ESRRG: variants seen among roughly 807,000 people sequenced by gnomAD.
ESRRG encodes estrogen-related receptor gamma.
A neutral mutation model predicts 44.0 loss-of-function variants in ESRRG; 13 were observed. The ratio of observed to expected loss-of-function variants is 0.30; its 90% confidence interval spans 0.19 to 0.47. The LOEUF (loss-of-function observed/expected upper bound fraction) is 0.47, where lower values mean the gene tolerates loss of function less well. Ranked by LOEUF, ESRRG falls within the 20% of genes least tolerant of loss-of-function variation. ESRRG has a pLI of 1.00. For missense variants in ESRRG, 395 were observed against 580.6 expected, an observed-to-expected ratio of 0.68 and a Z score of 3.29; for synonymous variants, 215 against 214.6, an observed-to-expected ratio of 1.00 and a Z score of -0.02.
intron 1 of ESRRG, among the ~76,000 whole-genome samples, chr1:217,025,969 T>C (rs572061987): frequency 1.3e-5 from 2 of 152,158 alleles, no homozygotes; most frequent in African/African-American, 2.4e-5. Context: ...AGAGAAGAAA[T>C]AGCCAAAAAA....
intron 1 of ESRRG, among the ~76,000 whole-genome samples, chr1:217,038,196 A>C (rs2083252615): frequency 6.6e-6 from 1 of 152,170 alleles, no homozygotes; most frequent in Non-Finnish European, 1.5e-5. Context: ...TGGGGCCTCC[A>C]ATCCCACATT....
chr1:216,822,024 C>T (rs114058163), intron 2 of ESRRG, among the ~76,000 whole-genome samples: 3,019 of 152,076 alleles, frequency 0.02, 119 homozygotes, highest in African/African-American at 0.069. Flanking sequence ...TTGTCACAAA[C>T]GTATTCATCT....
chr1:216,765,591 C>T (rs1294720945), intron 2 of ESRRG, among the ~76,000 whole-genome samples: 1 of 152,102 alleles, frequency 6.6e-6, no homozygotes, highest in African/African-American at 2.4e-5. Flanking sequence ...TCTCCAAAGG[C>T]ATTCTCTGAG....
chr1:216,845,135 G>C (rs1289176005), intron 2 of ESRRG, among the ~76,000 whole-genome samples: 1 of 152,048 alleles, frequency 6.6e-6, no homozygotes, highest in Non-Finnish European at 1.5e-5. Context: ...ACATATGTTT[G>C]TATGTTTGCA....
intron 1 of ESRRG, among the ~76,000 whole-genome samples, chr1:216,685,460 A>G (rs1345243773): frequency 6.6e-6 from 1 of 152,154 alleles, no homozygotes; most frequent in Non-Finnish European, 1.5e-5. Context: ...TGTTCAGACA[A>G]TTCTGTTTTC....
intron 2 of ESRRG, among the ~76,000 whole-genome samples, chr1:216,876,976 A>ATGTGTGTGTG (rs61039286): frequency 2.2e-4 from 32 of 145,468 alleles, no homozygotes; most frequent in African/African-American, 6.6e-4. Flanking sequence ...CTCTTCACTA[A>ATGTGTGTGTG]TGTGTGTGTG....
intron 5 of ESRRG, among the ~76,000 whole-genome samples, chr1:216,550,884 A>C (rs2056113289): frequency 5.9e-5 from 9 of 152,198 alleles, no homozygotes; most frequent in Admixed American, 5.9e-4. Flanking sequence ...TATAGAGTTT[A>C]AGAACAGCAT....
At chr1:216,929,203 T>C (rs1489812892) in intron 2 of ESRRG, among the ~76,000 whole-genome samples, 1 of 152,154 alleles carries the variant, frequency 6.6e-6, no homozygotes, top group Non-Finnish European at 1.5e-5. Context: ...AGAAGACACT[T>C]GTCAGGCTCT....
chr1:217,085,147 A>G (rs2092001530), intron 1 of ESRRG, among the ~76,000 whole-genome samples: 1 of 146,782 alleles, frequency 6.8e-6, no homozygotes, highest in African/African-American at 2.6e-5. Context: ...CAAGAAAAAG[A>G]AAACTTCCTT....
chr1:216,635,687 A>T (rs924042137), intron 3 of ESRRG, among the ~76,000 whole-genome samples: 3 of 151,998 alleles, frequency 2.0e-5, no homozygotes, highest in Admixed American at 2.0e-4. Flanking sequence ...GGTTTTGCTG[A>T]CCCTGCCTGT....
intron 2 of ESRRG, among the ~76,000 whole-genome samples, chr1:216,751,973 A>G (rs554861147): frequency 1.3e-5 from 2 of 152,244 alleles, no homozygotes; most frequent in South Asian, 2.1e-4. Context: ...GGGCTCTGCC[A>G]TCTGGTCGTC....
intron 3 of ESRRG, among the ~76,000 whole-genome samples, chr1:216,588,545 A>T (rs896805961): frequency 2.0e-5 from 3 of 152,192 alleles, no homozygotes; most frequent in Admixed American, 2.0e-4. Context: ...ATTACACCCA[A>T]GCGATTCGTT....
intron 1 of ESRRG, among the ~76,000 whole-genome samples, chr1:217,122,664 CTTTTT>C (rs10716545): frequency 2.3e-5 from 2 of 87,340 alleles, no homozygotes; most frequent in African/African-American, 9.6e-5. Flanking sequence ...GACACACACA[CTTTTT>C]TTTTTTTTTT....
At chr1:216,671,920 G>C (rs555828044) in intron 2 of ESRRG, among the ~76,000 whole-genome samples, 1 of 151,992 alleles carries the variant, frequency 6.6e-6, no homozygotes, top group African/African-American at 2.4e-5. Context: ...TAATACTTGG[G>C]TATTACTTAT....
chr1:216,811,586 C>T (rs2094971210), intron 2 of ESRRG, among the ~76,000 whole-genome samples: 1 of 152,154 alleles, frequency 6.6e-6, no homozygotes, highest in Non-Finnish European at 1.5e-5. Context: ...GAGGATTAGG[C>T]TCCAATTGGT....
In ESRRG at chr1:216,723,264, A is replaced by G; in HGVS notation, c.36T>C (p.Phe12=). ...CCTACTCTTCCTCGTAGTGCAGGGA[A>G]AAAGATTCAGGAAGGCAAAGTTCTA... is the stretch of plus-strand genomic sequence containing the variant. The part of the protein sequence containing the change: ...DSVELCLPES[F]SLHYEEELLC... Residue 12 remains phenylalanine, a synonymous_variant, in exon 1 of 7, where the codon TTT becomes TTC. Transcript: ENST00000408911. The G allele has an allele frequency of 1.2e-6, 2 of 1,614,130 alleles. No homozygotes were observed. Among genetic ancestry groups the G allele is most frequent in the Non-Finnish European group, 1.7e-6 (2 of 1,180,016 alleles).
rs115553224 is a variant in ESRRG, at chr1:217,011,552, A to G, written c.-105-71879T>C. Among the ~76,000 whole-genome samples the G allele has an allele frequency of 2.2e-3, 329 of 152,342 alleles. 1 individual carries two copies. Among genetic ancestry groups the G allele is most frequent in the Admixed American group, 3.7e-3 (57 of 15,304 alleles). On this transcript the variant is annotated intron_variant, in intron 1 of 7. Coordinates refer to the ESRRG transcript ENST00000359162. Reference sequence around the variant, plus strand: ...GCTGCCTACATGCAAAGCATTTGCTAGATAATCTCCCAAGGAAATAAAAAA... The same window carrying G: ...GCTGCCTACATGCAAAGCATTTGCTGGATAATCTCCCAAGGAAATAAAAAA...
chr1:216,572,595 C>T (rs903202091), intron 3 of ESRRG, among the ~76,000 whole-genome samples: 1 of 151,698 alleles, frequency 6.6e-6, no homozygotes, highest in African/African-American at 2.4e-5. Context: ...ATTAAAGACA[C>T]CAATACAATT....
intron 1 of ESRRG, among the ~76,000 whole-genome samples, chr1:216,712,136 C>A (rs867172251): frequency 2.6e-5 from 4 of 152,136 alleles, no homozygotes; most frequent in Non-Finnish European, 4.4e-5. Flanking sequence ...AAGACTGGAA[C>A]CTATTAAAGT....
Sources: allele counts gnomAD v4.1 joint callset (sites outside exome capture counted in the v4.1 genomes callset), GRCh38; gene constraint gnomAD v4.1.1; transcripts MANE v1.5; gene names NCBI Gene and HGNC (gene_info 2026-07-23, HGNC 2026-07-21).